The following ACSM3 variants were observed in gnomAD, a reference collection of about 807,000 sequenced individuals.
ACSM3 encodes the protein acyl-CoA synthetase medium chain family member 3.
ACSM3 carries 61 observed loss-of-function variants against 74.1 expected under a neutral mutation model. That is an observed-to-expected ratio of 0.82 (90% CI 0.67 to 1.02). The LOEUF (loss-of-function observed/expected upper bound fraction) is 1.02. ACSM3 is among the 50% of genes least tolerant of loss of function. The probability of loss-of-function intolerance (pLI) is 0.00; values close to 1 mark genes in which losing one functional copy is unlikely to be tolerated. For synonymous variants in ACSM3, 213 were observed against 241.5 expected (o/e 0.88, Z 1.09); for missense variants, 660 against 697.0 (o/e 0.95, Z 0.60).
intron 1 of ACSM3, among the ~76,000 whole-genome samples, chr16:20,747,128 A>C (rs2079961228): frequency 6.6e-6 from 1 of 152,074 alleles, no homozygotes; most frequent in African/African-American, 2.4e-5. Context: ...GCCCAGCGAT[A>C]GACAGGGCTC....
intron 2 of ACSM3, among the ~76,000 whole-genome samples, chr16:20,754,016 T>C (rs114349671): frequency 6.6e-6 from 1 of 152,254 alleles, no homozygotes; most frequent in African/African-American, 2.4e-5. Context: ...TGGTGTCAAG[T>C]CCACAGTGGA....
chr16:20,697,459 T>G (rs1035359788), intron 1 of ACSM3, among the ~76,000 whole-genome samples: 4 of 151,886 alleles, frequency 2.6e-5, no homozygotes, highest in Admixed American at 1.3e-4. Context: ...AATATCACCA[T>G]TGTCATTTTG....
At chr16:20,743,344 A>G (rs763225485) in intron 1 of ACSM3, among the ~76,000 whole-genome samples, 15 of 152,114 alleles carry the variant, frequency 9.9e-5, no homozygotes, top group Non-Finnish European at 1.9e-4. Flanking sequence ...CTATGTTTCT[A>G]TTTCACTTAA....
chr16:20,711,205 A>G (rs941640663), intron 1 of ACSM3, among the ~76,000 whole-genome samples: 3 of 152,228 alleles, frequency 2.0e-5, no homozygotes, highest in African/African-American at 7.2e-5. Context: ...TTTTACAGAT[A>G]AGGAAAAAAA....
chr16:20,797,392 A>C lies in ACSM3; in HGVS notation c.*420A>C. On this transcript the variant is annotated 3_prime_UTR_variant, in exon 14 of 14. Transcript: ENST00000289416. ...AGTTTTTAGAAAAATATAAAATATCAGTTAGAAGATTATGATAATCTCAAA... is the reference window on the plus strand; with the variant it reads ...AGTTTTTAGAAAAATATAAAATATCCGTTAGAAGATTATGATAATCTCAAA... 4 of 987,678 alleles carry C rather than the reference A, an allele frequency of 4.0e-6. No homozygotes were observed. Among genetic ancestry groups the C allele is most frequent in the Non-Finnish European group, 3.6e-6 (3 of 825,526 alleles). The allele number at this position is 987,678 out of a possible 1,614,324, so 61.2% of individuals were successfully genotyped here. A position where few individuals can be genotyped will look rare whatever the true frequency, so the allele number is the denominator to read the frequency against.
intron 1 of ACSM3, among the ~76,000 whole-genome samples, chr16:20,739,301 A>G (rs7198961): frequency 0.98 from 149,191 of 151,832 alleles, 73,321 homozygotes; most frequent in East Asian, 1. Context: ...TCAGCCTCCC[A>G]AGTAGCTGTG....
chr16:20,685,128 T>G, intron 1 of ACSM3: 1 of 1,558,058 alleles, frequency 6.4e-7, no homozygotes, highest in African/African-American at 1.4e-5. Context: ...CAGCACCTAA[T>G]ATCTCAGGAC....
At chr16:20,779,568 T>A (rs1033102916) in intron 4 of ACSM3, among the ~76,000 whole-genome samples, 1 of 152,152 alleles carries the variant, frequency 6.6e-6, no homozygotes. Flanking sequence ...ACTTGATATG[T>A]ATGTGTGCAG....
At chr16:20,687,365 G>A (rs1412990430) in intron 1 of ACSM3, among the ~76,000 whole-genome samples, 3 of 152,070 alleles carry the variant, frequency 2.0e-5, no homozygotes, top group Non-Finnish European at 4.4e-5. Context: ...CCATTTATAC[G>A]GGAAAATTAG....
At chr16:20,759,002 T>C (rs1172669378) in intron 3 of ACSM3, among the ~76,000 whole-genome samples, 1 of 152,188 alleles carries the variant, frequency 6.6e-6, no homozygotes, top group Non-Finnish European at 1.5e-5. Context: ...AGACAGTTTG[T>C]TATAATTTCT....
chr16:20,746,747 G>T (rs1454613901), intron 1 of ACSM3, among the ~76,000 whole-genome samples: 2 of 152,260 alleles, frequency 1.3e-5, no homozygotes, highest in Admixed American at 6.5e-5. Context: ...GTCAAATTTG[G>T]CCTGGCCTTT....
At chr16:20,691,265 G>T in intron 1 of ACSM3, 2 of 1,246,718 alleles carry the variant, frequency 1.6e-6, no homozygotes, top group South Asian at 1.7e-5. Flanking sequence ...CTAATAGATT[G>T]GCTGTGTATC....
At position 20,733,261 on chromosome 16, in the gene ACSM3, T is replaced by C. The variant is rs201158053; in HGVS notation, c.-189-16649T>C. On this transcript the variant is annotated intron_variant, in intron 1 of 3. Coordinates refer to the ACSM3 transcript ENST00000561584. ...TTACTTAGAAAAAGAAAGTGCACAA[T>C]GAATCTGTATTTCATCTATCTTGTG... Among the ~76,000 whole-genome samples the C allele has an allele frequency of 6.6e-5, 10 of 152,282 alleles. No individual in the cohort carries two copies. The East Asian group carries it at 1.7e-3, about 26-fold the overall frequency.
At chr16:20,728,246 G>A (rs961352026) in intron 1 of ACSM3, 18 of 419,018 alleles carry the variant, frequency 4.3e-5, no homozygotes, top group Non-Finnish European at 8.1e-5. Flanking sequence ...TGTCCAGGTA[G>A]GTTGAGAAAA....
intron 1 of ACSM3, among the ~76,000 whole-genome samples, chr16:20,748,378 G>C (rs1363602003): frequency 6.6e-6 from 1 of 152,092 alleles, no homozygotes; most frequent in Non-Finnish European, 1.5e-5. Flanking sequence ...ATATATTTTA[G>C]GGGTCACACC....
At chr16:20,712,525 AAAGT>A (rs1216853684) in intron 1 of ACSM3, among the ~76,000 whole-genome samples, 6 of 152,154 alleles carry the variant, frequency 3.9e-5, no homozygotes, top group African/African-American at 1.2e-4. Flanking sequence ...AATATGTGAG[AAAGT>A]GTTTCCTAAG....
At chr16:20,745,662 G>A (rs535311745) in intron 1 of ACSM3, among the ~76,000 whole-genome samples, 2 of 152,292 alleles carry the variant, frequency 1.3e-5, no homozygotes, top group African/African-American at 4.8e-5. Context: ...AAGGTGATCT[G>A]AGGATGTTAC....
chr16:20,731,994 G>C (rs1461428004), intron 1 of ACSM3, among the ~76,000 whole-genome samples: 1 of 152,128 alleles, frequency 6.6e-6, no homozygotes, highest in East Asian at 1.9e-4. Context: ...TTCTGTATAA[G>C]AAAAGCACAG....
chr16:20,718,020 GAAGAAGA>G (rs1567323342), intron 1 of ACSM3, among the ~76,000 whole-genome samples: 1 of 147,246 alleles, frequency 6.8e-6, no homozygotes, highest in East Asian at 2.0e-4. Flanking sequence ...AGAAGAAGAA[GAAGAAGA>G]AAAGAAAGAA....
Sources: gnomAD v4.1 joint callset for allele counts (sites outside exome capture counted in the v4.1 genomes callset) on GRCh38, gnomAD v4.1.1 for gene constraint, MANE v1.5 for transcripts, NCBI Gene and HGNC (gene_info 2026-07-23, HGNC 2026-07-21) for gene names.